The following ADGRF5 variants were observed in gnomAD, a reference collection of about 807,000 sequenced individuals.
ADGRF5 encodes the protein adhesion G protein-coupled receptor F5, also known as G-protein coupled receptor 116.
Under a neutral mutation model 132.3 loss-of-function variants are expected in ADGRF5, and 75 were observed. The ratio of observed to expected loss-of-function variants is 0.57; its 90% CI spans 0.47 to 0.69. The LOEUF (loss-of-function observed/expected upper bound fraction) is 0.69, where lower values mean the gene tolerates loss of function less well. ADGRF5 is among the 30% of genes least tolerant of loss of function. ADGRF5 has a pLI of 0.00. For missense variants in ADGRF5, 1,516 were observed against 1,630.6 expected (o/e 0.93, Z 1.21); for synonymous variants, 629 against 597.6 (o/e 1.05, Z -0.77).
intron 1 of ADGRF5, among the ~76,000 whole-genome samples, chr6:46,944,312 A>G (rs189633661): frequency 5.3e-5 from 8 of 152,340 alleles, no homozygotes; most frequent in African/African-American, 1.9e-4. Context: ...CCACTGATTC[A>G]AGAAGAAGTG....
chr6:46,892,195 CACACACACACACACAG>C (rs1474850859), intron 3 of ADGRF5, among the ~76,000 whole-genome samples: 206 of 137,008 alleles, frequency 1.5e-3, no homozygotes, highest in Non-Finnish European at 2.4e-3. Flanking sequence ...CACACACACA[CACACACACACACACAG>C]AAAGAGAGAG....
At chr6:46,950,179 T>G (rs1778445473) in intron 1 of ADGRF5, among the ~76,000 whole-genome samples, 1 of 152,158 alleles carries the variant, frequency 6.6e-6, no homozygotes, top group African/African-American at 2.4e-5. Flanking sequence ...TAGTCCATCT[T>G]CCAGGGTGCT....
At position 46,862,887 on chromosome 6, in the gene ADGRF5, C is replaced by G. The variant is rs1414879571; in HGVS notation, c.2199+1G>C. 1 of 1,600,704 alleles carries G rather than the reference C, an allele frequency of 6.2e-7. No homozygotes were observed. On this transcript the variant is annotated splice_donor_variant, in intron 15 of 20. Transcript: ENST00000283296. LOFTEE classifies it high-confidence loss of function. Reference sequence around the variant, plus strand: ...CTCAGAGTGGAAGCTTTAAGGATCACCTTAGCCATCTGGAGCAGACTGTTT... The same window carrying G: ...CTCAGAGTGGAAGCTTTAAGGATCAGCTTAGCCATCTGGAGCAGACTGTTT...
intron 1 of ADGRF5, among the ~76,000 whole-genome samples, chr6:46,951,999 A>T (rs138922526): frequency 6.6e-6 from 1 of 152,296 alleles, no homozygotes; most frequent in African/African-American, 2.4e-5. Context: ...GGCTCTGTGG[A>T]TATGGTCTTC....
intron 11 of ADGRF5, among the ~76,000 whole-genome samples, chr6:46,871,083 A>G (rs964578488): frequency 2.6e-5 from 4 of 152,116 alleles, no homozygotes; most frequent in African/African-American, 9.6e-5. Context: ...ATAGCAGAAA[A>G]CATGAACGAC....
At chr6:46,873,880 C>T (rs990690575) in intron 10 of ADGRF5, among the ~76,000 whole-genome samples, 1 of 152,142 alleles carries the variant, frequency 6.6e-6, no homozygotes, top group African/African-American at 2.4e-5. Context: ...TACTTGCATG[C>T]ACTCACCTTT....
At chr6:46,867,380 T>G (rs1428670560) in intron 12 of ADGRF5, among the ~76,000 whole-genome samples, 2 of 152,232 alleles carry the variant, frequency 1.3e-5, no homozygotes, top group African/African-American at 4.8e-5. Flanking sequence ...TTAAGTGGCT[T>G]ATTCAAGGCC....
Position 46,866,992 on chromosome 6 carries a change from C to T in ADGRF5, c.1767G>A (p.Lys589=), listed in dbSNP as rs780074958. Reference sequence around the variant, plus strand: ...AGTCTCCATCCTCCTCTATGCAGCACTTGATGTGATGGGAACCACTGCATG... The same window carrying T: ...AGTCTCCATCCTCCTCTATGCAGCATTTGATGTGATGGGAACCACTGCATG... ...TVSCSGSHHI[K]CCIEEDGDYK... is the part of the protein sequence containing the mutation. The change falls in exon 13 of 21, where the codon AAG becomes AAA. Residue 589 remains lysine, a synonymous_variant. Coordinates refer to ENST00000283296, the MANE Select transcript of ADGRF5 (RefSeq NM_001098518.2). The T allele has an allele frequency of 1.9e-6, 3 of 1,613,790 alleles. No homozygotes were observed. Among genetic ancestry groups the T allele is most frequent in the Middle Eastern group, 1.6e-4 (1 of 6,084 alleles).
intron 4 of ADGRF5, among the ~76,000 whole-genome samples, chr6:46,887,539 A>T (rs1224717545): frequency 6.6e-6 from 1 of 152,252 alleles, no homozygotes; most frequent in Non-Finnish European, 1.5e-5. Context: ...GACTTCGAGT[A>T]ACATATATTA....
In ADGRF5 at chr6:46,856,781, C is replaced by T. The variant is rs1456589734; in HGVS notation, c.3817-4G>A. The T allele has an allele frequency of 2.5e-6, 4 of 1,595,232 alleles. No homozygotes were observed. The Admixed American group carries it at 5.0e-5, about 20-fold the overall frequency. On this transcript the variant is annotated splice_polypyrimidine_tract_variant and splice_region_variant and intron_variant, in intron 18 of 20. Coordinates refer to ENST00000283296, the MANE Select transcript of ADGRF5 (RefSeq NM_001098518.2). ...TATTCAGCAAAGCTTCCTGTACCTG[C>T]ATTGTTAAAAAGAAGCTATCGTAAC...
chr6:46,940,521 T>C (rs1778007376), intron 1 of ADGRF5, among the ~76,000 whole-genome samples: 1 of 152,176 alleles, frequency 6.6e-6, no homozygotes, highest in African/African-American at 2.4e-5. Context: ...CTTAGCCAGT[T>C]GGCCACACTC....
intron 17 of ADGRF5, 81 bp from the exon 18 acceptor site, chr6:46,856,989 T>C (rs1404777788): frequency 4.5e-5 from 48 of 1,065,082 alleles, no homozygotes; most frequent in Non-Finnish European, 6.4e-5. Context: ...GTTAACCTGG[T>C]GTTAAATTTG....
chr6:46,952,697 T>C (rs948789347), intron 1 of ADGRF5, among the ~76,000 whole-genome samples: 1 of 152,266 alleles, frequency 6.6e-6, no homozygotes, highest in African/African-American at 2.4e-5. Flanking sequence ...CACATTCATT[T>C]GCTCATTCAT....
chr6:46,902,398 CT>C lies in ADGRF5; in HGVS notation c.103-2316del, dbSNP rs1371799683. ...CCAGGTCGAGTTTTCATTCTCTCTG[CT>C]TTCCAATAGGACTAAAGCATTGAGG... On this transcript the variant is annotated intron_variant, in intron 2 of 20. Transcript: ENST00000283296. 2.6e-5 allele frequency among the ~76,000 whole-genome samples: 4 copies of C among 152,360 alleles called. No individual in the cohort carries two copies. The East Asian group carries it at 7.7e-4, about 29-fold the overall frequency.
chr6:46,899,978 T>C (rs1774582116), intron 3 of ADGRF5, 51 bp downstream of exon 3: 6 of 1,275,550 alleles, frequency 4.7e-6, no homozygotes, highest in Non-Finnish European at 6.9e-6. Flanking sequence ...TTGCAACACA[T>C]ACCATTTGAG....
upstream of ADGRF5, among the ~76,000 whole-genome samples, chr6:46,926,218 T>C (rs59092163): frequency 0.14 from 20,779 of 152,174 alleles, 1,585 homozygotes; most frequent in Admixed American, 0.22. Context: ...ATTCCACCAA[T>C]AGACAGTGTT....
chr6:46,874,926 G>A (rs1337238400), intron 10 of ADGRF5, among the ~76,000 whole-genome samples: 1 of 152,180 alleles, frequency 6.6e-6, no homozygotes, highest in African/African-American at 2.4e-5. Context: ...GGTACAGGCT[G>A]GGGATGCTGC....
At position 46,853,043 on chromosome 6, in the gene ADGRF5, T is replaced by A. The variant is rs566372552; in HGVS notation, c.*949A>T. ...CAGTGCAACATATCAAATTTGGCAA[T>A]TGAAGGGTATATCAAATATATATTT... is the stretch of plus-strand genomic sequence containing the variant. On this transcript the variant is annotated 3_prime_UTR_variant, in exon 21 of 21. Transcript: ENST00000283296. 1 of 152,762 alleles carries A rather than the reference T, an allele frequency of 6.5e-6. No homozygotes were observed. The highest frequency in any genetic ancestry group is 2.1e-4 in the South Asian group (1 of 4,826). 9.5% of individuals were successfully genotyped at this position (152,762 alleles called of 1,614,324 possible). A position where few individuals can be genotyped will look rare whatever the true frequency, so the allele number is the denominator to read the frequency against.
At chr6:46,874,544 T>A (rs1003014486) in intron 10 of ADGRF5, among the ~76,000 whole-genome samples, 1 of 152,158 alleles carries the variant, frequency 6.6e-6, no homozygotes, top group African/African-American at 2.4e-5. Context: ...TAGGGAAGAT[T>A]TCAGAGAAGG....
Sources: allele counts gnomAD v4.1 joint callset (sites outside exome capture counted in the v4.1 genomes callset), GRCh38; gene constraint gnomAD v4.1.1; transcripts MANE v1.5; gene names NCBI Gene and HGNC (gene_info 2026-07-23, HGNC 2026-07-21).